The following UBE3C variants were observed in gnomAD, a reference collection of about 807,000 sequenced individuals.
UBE3C encodes ubiquitin-protein ligase E3C.
In UBE3C, 42 loss-of-function variants were observed where a neutral mutation model predicts 129.4. The ratio of observed to expected loss-of-function variants is 0.32; its 90% CI spans 0.25 to 0.42. The LOEUF is 0.42. Ranked by LOEUF, UBE3C falls within the 10% of genes least tolerant of loss-of-function variation. UBE3C has a pLI of 1.00. For synonymous variants in UBE3C, 510 were observed against 492.4 expected (o/e 1.04, Z -0.47); for missense variants, 1,049 against 1,319.1 (o/e 0.80, Z 3.17).
In UBE3C at chr7:157,207,476, C is replaced by G; in HGVS notation, c.1497C>G (p.Leu499=). ...SFEDSSRIIP[L]FYLFSSLFSH... The stretch of plus-strand genomic sequence containing the variant: ...AAGATTCTAGTCGAATCATCCCACT[C>G]TTTTATCTTTTTAGCTCCTTGTTTA... Residue 499 remains leucine, a synonymous_variant, in exon 12 of 23, where the codon CTC becomes CTG. Transcript: ENST00000348165. 5 of 1,613,848 alleles carry G rather than the reference C, an allele frequency of 3.1e-6. No homozygotes were observed. The highest frequency in any genetic ancestry group is 4.2e-6 in the Non-Finnish European group (5 of 1,179,990).
In UBE3C at chr7:157,181,507, T is replaced by C. The variant is rs772869699; in HGVS notation, c.617-11T>C. The C allele has an allele frequency of 6.5e-7, 1 of 1,549,662 alleles. No homozygotes were observed. The highest frequency in any genetic ancestry group is 8.7e-7 in the Non-Finnish European group (1 of 1,155,928). ...AGGCACTAAATTTTAAATATGTGTT[T>C]TTCCTTTTAGGGTATTATAGGTCTC... is the stretch of plus-strand genomic sequence containing the variant. On this transcript the variant is annotated splice_polypyrimidine_tract_variant and intron_variant, in intron 6 of 22. Transcript: ENST00000348165.
chr7:157,163,900 T>G lies in UBE3C; in HGVS notation c.120+37T>G, dbSNP rs149938317. The G allele has an allele frequency of 5.2e-4, 821 of 1,590,358 alleles. 10 individuals carry two copies. The African/African-American group carries it at 1.0e-2, about 19-fold the overall frequency. ...TTTGTAATACTCTGTAGATAAGCAT[T>G]TTTTCTACAGCATTTAAACATGCCT... On this transcript the variant is annotated intron_variant, in intron 2 of 22. Transcript: ENST00000348165.
intron 18 of UBE3C, among the ~76,000 whole-genome samples, chr7:157,248,082 T>G (rs975511144): frequency 6.6e-6 from 1 of 152,210 alleles, no homozygotes; most frequent in Non-Finnish European, 1.5e-5. Context: ...GAGCATTTGT[T>G]GGCTTCTGTC....
At chr7:157,179,120 C>G (rs1808602085) in intron 6 of UBE3C, among the ~76,000 whole-genome samples, 1 of 151,842 alleles carries the variant, frequency 6.6e-6, no homozygotes, top group Admixed American at 6.6e-5. Context: ...ATGCTTTCAT[C>G]AGTTGTCCCG....
intron 10 of UBE3C, among the ~76,000 whole-genome samples, chr7:157,200,699 A>T (rs1369265405): frequency 6.6e-6 from 1 of 152,062 alleles, no homozygotes. Context: ...TAGTGGTGCA[A>T]TCTTGGCTCA....
intron 22 of UBE3C, among the ~76,000 whole-genome samples, chr7:157,266,573 TC>T (rs1422765157): frequency 2.6e-5 from 4 of 152,232 alleles, no homozygotes; most frequent in Non-Finnish European, 1.5e-5. Context: ...ACTGCCTAGA[TC>T]CATTGTTTAA....
At chr7:157,183,474 A>G in intron 8 of UBE3C, among the ~76,000 whole-genome samples, 1 of 152,082 alleles carries the variant, frequency 6.6e-6, no homozygotes, top group East Asian at 1.9e-4. Flanking sequence ...GTTGAGTTTT[A>G]TGGTGCTTCT....
At chr7:157,261,297 A>G (rs1178571429) in intron 22 of UBE3C, among the ~76,000 whole-genome samples, 1 of 132,052 alleles carries the variant, frequency 7.6e-6, no homozygotes, top group Non-Finnish European at 1.6e-5. Context: ...CAAGAGCAAA[A>G]CTCTGTCTGA....
intron 5 of UBE3C, among the ~76,000 whole-genome samples, chr7:157,177,034 C>T (rs773602693): frequency 1.2e-4 from 19 of 152,052 alleles, no homozygotes; most frequent in Non-Finnish European, 2.4e-4. Flanking sequence ...TTTTTAATGC[C>T]GTTGAACATT....
At chr7:157,260,944 G>A (rs937431946) in intron 22 of UBE3C, among the ~76,000 whole-genome samples, 5 of 152,296 alleles carry the variant, frequency 3.3e-5, no homozygotes, top group Admixed American at 6.5e-5. Context: ...ATGGCCACTT[G>A]TGCTGCGTGA....
intron 10 of UBE3C, chr7:157,188,851 T>G (rs1378331250): frequency 1.5e-5 from 7 of 455,354 alleles, no homozygotes; most frequent in Non-Finnish European, 2.4e-5. Flanking sequence ...ATTCCCAGGC[T>G]GATAACTCAT....
intron 10 of UBE3C, among the ~76,000 whole-genome samples, chr7:157,190,729 A>C (rs1808937987): frequency 6.6e-6 from 1 of 151,812 alleles, no homozygotes; most frequent in East Asian, 1.9e-4. Context: ...TTTAGGAAAA[A>C]ATTCACATTC....
chr7:157,161,684 G>A (rs1808074886), intron 1 of UBE3C, among the ~76,000 whole-genome samples: 1 of 151,908 alleles, frequency 6.6e-6, no homozygotes, highest in Admixed American at 6.5e-5. Context: ...ATACTCCTGA[G>A]CTCAAGTGAT....
chr7:157,163,162 G>T (rs1049416557), intron 1 of UBE3C, among the ~76,000 whole-genome samples: 1 of 151,970 alleles, frequency 6.6e-6, no homozygotes, highest in African/African-American at 2.4e-5. Context: ...GAGGCGGGTG[G>T]ATCAGGAGGT....
At chr7:157,160,296 A>G (rs2116849007) in intron 1 of UBE3C, among the ~76,000 whole-genome samples, 1 of 152,276 alleles carries the variant, frequency 6.6e-6, no homozygotes, top group East Asian at 1.9e-4. Context: ...GCTGGTCTCG[A>G]ACTCCTGACC....
chr7:157,178,903 G>T, intron 6 of UBE3C, 56 bp downstream of exon 6: 1 of 1,588,226 alleles, frequency 6.3e-7, no homozygotes. Flanking sequence ...GGAGTGAGCA[G>T]AGGCCAGCCT....
chr7:157,256,754 C>T lies in UBE3C; in HGVS notation c.2951-160C>T, dbSNP rs994395414. The T allele has an allele frequency of 6.3e-6, 5 of 792,190 alleles. No homozygotes were observed. In the African/African-American group the frequency reaches 7.0e-5, roughly 11 times the overall value. 49.1% of individuals were successfully genotyped at this position (792,190 alleles called of 1,614,324 possible). ...GTGCTCTAGAGATCATGGAAGTGCA[C>T]AGCACGTACACAGGTGATACACACA... On this transcript the variant is annotated intron_variant, in intron 21 of 22. Coordinates refer to ENST00000348165, the MANE Select transcript of UBE3C (RefSeq NM_014671.3).
intron 13 of UBE3C, 62 bp from the exon 14 acceptor site, chr7:157,216,805 G>T: frequency 7.6e-7 from 1 of 1,313,114 alleles, no homozygotes; most frequent in East Asian, 2.4e-5. Flanking sequence ...TGAATGTATG[G>T]CTCACTGTGC....
At position 157,178,826 on chromosome 7, in the gene UBE3C, T is replaced by C; in HGVS notation, c.595T>C (p.Leu199=). The change falls in exon 6 of 23, where the codon TTG becomes CTG. Residue 199 remains leucine (L), a synonymous_variant. Coordinates refer to ENST00000348165, the MANE Select transcript of UBE3C (RefSeq NM_014671.3). ...SYVVSVIEQI[L]HYMIHNGYYR... Reference sequence around the variant, plus strand: ...TGTGGTGTCAGTGATTGAACAAATTTTGCACTACATGATTCACAATGGTAA... The same window carrying C: ...TGTGGTGTCAGTGATTGAACAAATTCTGCACTACATGATTCACAATGGTAA... 1.2e-6 allele frequency: 2 copies of C among 1,614,188 alleles called. No individual in the cohort carries two copies. The highest frequency in any genetic ancestry group is 1.7e-6 in the Non-Finnish European group (2 of 1,180,022).
Sources: gnomAD v4.1 joint callset for allele counts (sites outside exome capture counted in the v4.1 genomes callset) on GRCh38, gnomAD v4.1.1 for gene constraint, MANE v1.5 for transcripts, NCBI Gene and HGNC (gene_info 2026-07-23, HGNC 2026-07-21) for gene names.